Variants in ODR4 observed in about 807,000 individuals in gnomAD.
ODR4 encodes the protein odr-4 GPCR localization factor homolog.
ODR4 carries 47 observed loss-of-function variants against 60.2 expected under a neutral mutation model. The observed-to-expected ratio is 0.78, with a 90% confidence interval of 0.62 to 1.00. ODR4 has a LOEUF of 1.00. Among genes scored for constraint, ODR4 ranks in the 50% least tolerant of loss-of-function variants. The pLI is 0.00. For synonymous variants in ODR4, 178 were observed against 175.5 expected (o/e 1.01, Z -0.11); for missense variants, 488 against 530.8 (o/e 0.92, Z 0.79).
Position 186,419,051 on chromosome 1 carries a change from T to C in ODR4, c.1340T>C (p.Ile447Thr). ...AFTVAVLAAG[I>T]SFHYFSD Reference sequence around the variant, plus strand: ...ACAGTTGCAGTCCTTGCTGCGGGTATCTCCTTTCATTACTTCAGTGATTAG... The same window carrying C: ...ACAGTTGCAGTCCTTGCTGCGGGTACCTCCTTTCATTACTTCAGTGATTAG... Residue 447 changes from isoleucine (I) to threonine (T), a missense_variant, in exon 14 of 14, where the codon ATC becomes ACC. Physicochemically the swap from Ile to Thr is moderately conservative, Grantham distance 89 (BLOSUM62 -1). Transcript: ENST00000287859. 4 of 1,611,100 alleles carry C rather than the reference T, an allele frequency of 2.5e-6. No individual in the cohort carries two copies. Among genetic ancestry groups the C allele is most frequent in the Non-Finnish European group, 3.4e-6 (4 of 1,178,538 alleles).
At chr1:186,401,151 T>C (rs1355821284) in intron 11 of ODR4, 1 of 1,595,546 alleles carries the variant, frequency 6.3e-7, no homozygotes, top group Admixed American at 1.7e-5. Context: ...ATGGCTATCC[T>C]GGTATTCTTT....
intron 3 of ODR4, 50 bp downstream of exon 3, chr1:186,383,206 C>G (rs1257136794): frequency 1.3e-6 from 2 of 1,513,366 alleles, no homozygotes; most frequent in Non-Finnish European, 1.8e-6. Flanking sequence ...CAAAAAAGAG[C>G]TAGAATCAAG....
chr1:186,406,307 C>T (rs1661172519), intron 12 of ODR4, 39 bp downstream of exon 12: 1 of 1,442,088 alleles, frequency 6.9e-7, no homozygotes, highest in Non-Finnish European at 9.3e-7. Context: ...GGTTAGATTA[C>T]AGCTAAGATT....
intron 9 of ODR4, among the ~76,000 whole-genome samples, chr1:186,394,810 A>G (rs889578490): frequency 3.3e-5 from 5 of 152,304 alleles, no homozygotes; most frequent in South Asian, 4.1e-4. Flanking sequence ...CTTTGGGCCT[A>G]TGCCACTCAA....
At chr1:186,381,279 T>A (rs1055974973) in intron 2 of ODR4, among the ~76,000 whole-genome samples, 16 of 151,944 alleles carry the variant, frequency 1.1e-4, no homozygotes, top group Non-Finnish European at 2.1e-4. Flanking sequence ...TTTCTAAAGC[T>A]CAGGCAAACT....
chr1:186,393,340 A>G (rs1375171616), intron 8 of ODR4, among the ~76,000 whole-genome samples: 1 of 152,240 alleles, frequency 6.6e-6, no homozygotes, highest in Admixed American at 6.5e-5. Flanking sequence ...GAAACTTTAC[A>G]GGAGTGTCAT....
intron 3 of ODR4, among the ~76,000 whole-genome samples, chr1:186,384,160 A>C (rs1031459113): frequency 6.6e-6 from 1 of 152,172 alleles, no homozygotes; most frequent in African/African-American, 2.4e-5. Context: ...TTGGCTCATG[A>C]TTCTGCTGGC....
In ODR4 at chr1:186,400,758, A is replaced by T. The variant is rs867786769; in HGVS notation, c.1000+1714A>T. 2.0e-5 allele frequency: 6 copies of T among 297,366 alleles called. No homozygotes were observed. The South Asian group carries it at 2.2e-4, about 11-fold the overall frequency. 18.4% of individuals were successfully genotyped at this position (297,366 alleles called of 1,614,324 possible). A position where few individuals can be genotyped will look rare whatever the true frequency, so the allele number is the denominator to read the frequency against. On this transcript the variant is annotated intron_variant, in intron 11 of 13. Transcript: ENST00000287859. ...TCTATGATTGGCAGATTTAACATTT[A>T]TCCTTCTCGTAATTCACAACCCTAA...
At chr1:186,418,311 G>A (rs1405997224) in intron 13 of ODR4, among the ~76,000 whole-genome samples, 2 of 119,004 alleles carry the variant, frequency 1.7e-5, no homozygotes, top group Non-Finnish European at 3.3e-5. Flanking sequence ...TTTTTTTTGA[G>A]ACGGAGTCTC....
intron 13 of ODR4, 103 bp from the exon 14 acceptor site, chr1:186,418,906 T>C (rs921145114): frequency 6.9e-5 from 63 of 907,930 alleles, no homozygotes; most frequent in Non-Finnish European, 1.1e-4. Context: ...TTGTGTATTG[T>C]TTTTTAGGCC....
At chr1:186,379,670 A>G in intron 1 of ODR4, 97 bp from the exon 2 acceptor site, 1 of 645,734 alleles carries the variant, frequency 1.5e-6, no homozygotes. Context: ...AGATAGCCTC[A>G]GGATAGTATC....
rs1340922862 is a variant in ODR4 at position 186,386,097 on chromosome 1, A to G, written c.330+14A>G. 6.8e-7 allele frequency: 1 copy of G among 1,460,888 alleles called. No homozygotes were observed. The highest frequency in any genetic ancestry group is 9.4e-7 in the Non-Finnish European group (1 of 1,063,598). 90.5% of individuals were successfully genotyped at this position (1,460,888 alleles called of 1,614,324 possible). On this transcript the variant is annotated intron_variant, in intron 4 of 13. Transcript: ENST00000287859. Reference sequence around the variant, plus strand: ...GCCCTGCGTAGAGTAAGTTTGATATATCGAAAATTCTTAATGAAATCAGTT... The same window carrying G: ...GCCCTGCGTAGAGTAAGTTTGATATGTCGAAAATTCTTAATGAAATCAGTT...
chr1:186,415,978 C>G (rs1324975434), intron 12 of ODR4, among the ~76,000 whole-genome samples: 1 of 152,116 alleles, frequency 6.6e-6, no homozygotes, highest in Non-Finnish European at 1.5e-5. Context: ...AATTTTTGAT[C>G]ATAGTTTCAA....
intron 11 of ODR4, chr1:186,401,470 G>GTCT (rs1442662510): frequency 9.2e-6 from 2 of 217,412 alleles, no homozygotes; most frequent in Non-Finnish European, 2.0e-5. Context: ...CCGTCTTTCT[G>GTCT]TCTGTCTTTC....
At chr1:186,414,136 AACAG>A (rs950509268) in intron 12 of ODR4, among the ~76,000 whole-genome samples, 3 of 152,192 alleles carry the variant, frequency 2.0e-5, no homozygotes, top group Non-Finnish European at 4.4e-5. Context: ...ACCAAAAATA[AACAG>A]ACAAATAAAT....
At chr1:186,422,056 A>T (rs1661798639), downstream of ODR4, among the ~76,000 whole-genome samples, 1 of 152,098 alleles carries the variant, frequency 6.6e-6, no homozygotes, top group Non-Finnish European at 1.5e-5. Flanking sequence ...CAATTAAATG[A>T]TAGCATTGGT....
At chr1:186,381,331 T>C (rs1660012205) in intron 2 of ODR4, among the ~76,000 whole-genome samples, 1 of 151,740 alleles carries the variant, frequency 6.6e-6, no homozygotes, top group Non-Finnish European at 1.5e-5. Context: ...AGGCCTTCCT[T>C]CTTTTTTTTT....
At chr1:186,421,384 A>G (rs1460768833), downstream of ODR4, 1 of 152,212 alleles carries the variant, frequency 6.6e-6, no homozygotes, top group Non-Finnish European at 1.5e-5. Flanking sequence ...AATAATGTGG[A>G]ATTTTTAAAT....
At chr1:186,402,226 C>CTTTCTTTCTTTCTTTCTT (rs1553237006) in intron 11 of ODR4, among the ~76,000 whole-genome samples, 26 of 149,380 alleles carry the variant, frequency 1.7e-4, no homozygotes, top group African/African-American at 6.0e-4. Context: ...TTCTTTCTTT[C>CTTTCTTTCTTTCTTTCTT]TTTCTTTCCT....
Sources: gnomAD v4.1 joint callset for allele counts (sites outside exome capture counted in the v4.1 genomes callset) on GRCh38, gnomAD v4.1.1 for gene constraint, MANE v1.5 for transcripts, NCBI Gene and HGNC (gene_info 2026-07-23, HGNC 2026-07-21) for gene names.